Variants in PCSK1 observed in about 807,000 individuals in gnomAD.
PCSK1 encodes the protein proprotein convertase subtilisin/kexin type 1.
A neutral mutation model predicts 90.6 loss-of-function variants in PCSK1; 56 were observed. That is an observed-to-expected ratio of 0.62 (90% CI 0.50 to 0.77). The LOEUF is 0.77. PCSK1 is among the 30% of genes least tolerant of loss of function. The pLI is 0.00. For missense variants in PCSK1, 801 were observed against 932.6 expected, an observed-to-expected ratio of 0.86 and a Z score of 1.84; for synonymous variants, 348 against 342.4, an observed-to-expected ratio of 1.02 and a Z score of -0.18.
chr5:96,399,520 C>T (rs1166822920), intron 10 of PCSK1, among the ~76,000 whole-genome samples: 1 of 152,080 alleles, frequency 6.6e-6, no homozygotes. Context: ...GAAGAAAAGC[C>T]ATGAATCACA....
chr5:96,406,320 C>G (rs1047503629), intron 9 of PCSK1, among the ~76,000 whole-genome samples: 1 of 152,154 alleles, frequency 6.6e-6, no homozygotes, highest in Non-Finnish European at 1.5e-5. Flanking sequence ...TAATTTGGAT[C>G]TGCTGATGCC....
intron 5 of PCSK1, among the ~76,000 whole-genome samples, chr5:96,419,336 C>T (rs1368353662): frequency 6.8e-6 from 1 of 146,950 alleles, no homozygotes; most frequent in African/African-American, 2.5e-5. Flanking sequence ...TAAAACCTCA[C>T]TTTAACCCCT....
In PCSK1 at chr5:96,412,984, A is replaced by G. The variant is rs944913085; in HGVS notation, c.710-494T>C. ...TGCACCTCCTCATGGCTGTCCCACA[A>G]ATGGCTGTGGCCCAGTCTACGCCAC... is the stretch of plus-strand genomic sequence containing the variant. On this transcript the variant is annotated intron_variant, in intron 6 of 13. Coordinates refer to ENST00000311106, the MANE Select transcript of PCSK1 (RefSeq NM_000439.5). 5.0e-6 allele frequency: 5 copies of G among 1,000,004 alleles called. No individual in the cohort carries two copies. In the African/African-American group the frequency reaches 5.3e-5, roughly 11 times the overall value. The allele number at this position is 1,000,004 out of a possible 1,614,324, so 61.9% of individuals were successfully genotyped here.
intron 5 of PCSK1, among the ~76,000 whole-genome samples, chr5:96,419,135 T>G (rs1761030551): frequency 6.6e-6 from 1 of 151,892 alleles, no homozygotes; most frequent in Admixed American, 6.6e-5. Context: ...AAATAACAAG[T>G]GTGACAAGAA....
At chr5:96,427,004 A>G (rs1368235877) in intron 2 of PCSK1, among the ~76,000 whole-genome samples, 1 of 152,184 alleles carries the variant, frequency 6.6e-6, no homozygotes, top group Non-Finnish European at 1.5e-5. Context: ...AAAATACCTC[A>G]ATGCTTGGAA....
chr5:96,415,551 CAATTA>C (rs1455528982), intron 6 of PCSK1, among the ~76,000 whole-genome samples: 1 of 152,154 alleles, frequency 6.6e-6, no homozygotes, highest in Non-Finnish European at 1.5e-5. Context: ...CTGATGAAAA[CAATTA>C]AATCCTACAT....
rs78697755 is a variant in PCSK1, at chr5:96,395,178, A to G, written c.1723-153T>C. Among the ~76,000 whole-genome samples the G allele has an allele frequency of 0.013, 1,962 of 152,344 alleles. 124 individuals are homozygous for G. The East Asian group carries it at 0.19, about 15-fold the overall frequency. On this transcript the variant is annotated intron_variant, in intron 12 of 13. Coordinates refer to ENST00000311106, the MANE Select transcript of PCSK1 (RefSeq NM_000439.5). Reference sequence around the variant, plus strand: ...AAACCATTGGATCCACTCTTGCTATAAAAATTGACAATTTGTAGGTTCAAC... The same window carrying G: ...AAACCATTGGATCCACTCTTGCTATGAAAATTGACAATTTGTAGGTTCAAC...
At chr5:96,412,750 A>ATTTTTTTTTTTTTTTTTTT (rs1451878228) in intron 6 of PCSK1, among the ~76,000 whole-genome samples, 1 of 63,386 alleles carries the variant, frequency 1.6e-5, no homozygotes, top group African/African-American at 7.9e-5. Context: ...GGCAGCTGTG[A>ATTTTTTTTTTTTTTTTTTT]TGTTTTTTTT....
chr5:96,412,636 T>C, intron 6 of PCSK1, 146 bp from the exon 7 acceptor site: 1 of 756,052 alleles, frequency 1.3e-6, no homozygotes. Context: ...CCAATTTCTG[T>C]AACCCAGCTA....
At chr5:96,412,892 C>A in intron 6 of PCSK1, 1 of 227,878 alleles carries the variant, frequency 4.4e-6, no homozygotes, top group Non-Finnish European at 8.0e-6. Context: ...AATGTTTGCC[C>A]TCCCTCCCAC....
At chr5:96,430,883 G>A (rs559903453) in intron 1 of PCSK1, among the ~76,000 whole-genome samples, 2 of 152,260 alleles carry the variant, frequency 1.3e-5, no homozygotes, top group African/African-American at 4.8e-5. Flanking sequence ...TCCCAAGAAT[G>A]ATGATGTATT....
chr5:96,429,993 C>T (rs1761441664), intron 1 of PCSK1, among the ~76,000 whole-genome samples: 1 of 152,160 alleles, frequency 6.6e-6, no homozygotes, highest in African/African-American at 2.4e-5. Context: ...CAGGCAAACA[C>T]CTGGGATACT....
chr5:96,394,310 A>C (rs553191472), intron 13 of PCSK1, among the ~76,000 whole-genome samples: 19 of 152,346 alleles, frequency 1.2e-4, no homozygotes, highest in Admixed American at 3.3e-4. Context: ...AGGAATGTGA[A>C]CGACTTATTT....
At chr5:96,412,271 C>T (rs1390432537) in intron 7 of PCSK1, 47 bp downstream of exon 7, 1 of 1,464,946 alleles carries the variant, frequency 6.8e-7, no homozygotes, top group East Asian at 2.3e-5. Flanking sequence ...TCCTCATATC[C>T]AGATGGTCAG....
At chr5:96,425,225 G>A (rs1028048684) in intron 3 of PCSK1, among the ~76,000 whole-genome samples, 10 of 152,060 alleles carry the variant, frequency 6.6e-5, no homozygotes, top group East Asian at 1.9e-4. Flanking sequence ...CCATACAGAC[G>A]TAACATTAAA....
chr5:96,423,363 C>G lies in PCSK1; in HGVS notation c.493G>C (p.Val165Leu). The G allele has an allele frequency of 6.2e-7, 1 of 1,613,530 alleles. No individual in the cohort carries two copies. Residue 165 changes from valine to leucine, a missense_variant, in exon 4 of 14, where the codon GTA becomes CTA. Coordinates refer to ENST00000311106, the MANE Select transcript of PCSK1 (RefSeq NM_000439.5). ...GITGKGVVIT[V>L]LDDGLEWNHT... is the part of the protein sequence containing the mutation. Reference sequence around the variant, plus strand: ...TTCCACTCCAAACCATCATCCAGTACGGTGATAACAACTCCTTTGCCCGTA... The same window carrying G: ...TTCCACTCCAAACCATCATCCAGTAGGGTGATAACAACTCCTTTGCCCGTA...
intron 5 of PCSK1, among the ~76,000 whole-genome samples, chr5:96,417,111 G>A (rs1760961033): frequency 6.6e-6 from 1 of 152,144 alleles, no homozygotes. Flanking sequence ...CAATAATGTT[G>A]GCCAGTTACA....
At chr5:96,395,695 A>T (rs1760114981) in intron 12 of PCSK1, among the ~76,000 whole-genome samples, 1 of 152,170 alleles carries the variant, frequency 6.6e-6, no homozygotes, top group African/African-American at 2.4e-5. Context: ...AATGTAGATG[A>T]TGGGTTGATG....
intron 9 of PCSK1, among the ~76,000 whole-genome samples, chr5:96,407,889 GGAA>G (rs1198144991): frequency 2.0e-5 from 3 of 152,152 alleles, no homozygotes; most frequent in East Asian, 3.9e-4. Flanking sequence ...TAGCTGAGTG[GGAA>G]GAAGATTTGA....
Sources: gnomAD v4.1 joint callset for allele counts (sites outside exome capture counted in the v4.1 genomes callset) on GRCh38, gnomAD v4.1.1 for gene constraint, MANE v1.5 for transcripts, NCBI Gene and HGNC (gene_info 2026-07-23, HGNC 2026-07-21) for gene names.